Variants in PCDHA8 observed in about 807,000 individuals in gnomAD.
The protein encoded by PCDHA8 is protocadherin alpha-8.
PCDHA8 carries 53 observed loss-of-function variants against 61.8 expected under a neutral mutation model. The observed-to-expected ratio is 0.86, with a 90% CI of 0.69 to 1.08. The LOEUF (loss-of-function observed/expected upper bound fraction) is 1.08, where lower values mean the gene tolerates loss of function less well. PCDHA8 is among the 50% of genes least tolerant of loss of function. The pLI, the probability that PCDHA8 is intolerant of heterozygous loss-of-function variation, is 0.00. For missense variants in PCDHA8, 1,293 were observed against 1,245.0 expected, an observed-to-expected ratio of 1.04 and a Z score of -0.58; for synonymous variants, 618 against 556.6, an observed-to-expected ratio of 1.11 and a Z score of -1.55.
Position 140,974,355 on chromosome 5 carries a change from C to T in PCDHA8, c.2395-4594C>T, listed in dbSNP as rs113314336. Among the ~76,000 whole-genome samples the T allele has an allele frequency of 6.8e-3, 1,038 of 152,272 alleles. 15 individuals are homozygous for T. The highest frequency in any genetic ancestry group is 0.024 in the African/African-American group (1,003 of 41,550). ...AGCAGGCTATGCATCCAGAACTAAA[C>T]AGACCTAGCACTTTCTGTTGTACTG... is the stretch of plus-strand genomic sequence containing the variant. On this transcript the variant is annotated intron_variant, in intron 1 of 3. Transcript: ENST00000531613.
chr5:140,902,203 CTTT>C lies in PCDHA8; in HGVS notation c.2394+58504_2394+58506del, dbSNP rs148688132. ...TTATGTCTTCTCTCTCTCTCTCTTT[CTTT>C]TTTTTTTTTTTTTTTGAGATGAGGA... On this transcript the variant is annotated intron_variant, in intron 1 of 3. Coordinates refer to ENST00000531613, the MANE Select transcript of PCDHA8 (RefSeq NM_018911.3). Among the ~76,000 whole-genome samples, 328 of 124,424 alleles carry C rather than the reference CTTT, an allele frequency of 2.6e-3. 2 individuals are homozygous for C. Among genetic ancestry groups the C allele is most frequent in the Middle Eastern group, 0.017 (4 of 242 alleles). 81.6% of individuals were successfully genotyped at this position (124,424 alleles called of 152,430 possible).
intron 1 of PCDHA8, among the ~76,000 whole-genome samples, chr5:140,845,100 T>G (rs1393397461): frequency 1.3e-5 from 2 of 149,736 alleles, no homozygotes; most frequent in Non-Finnish European, 3.0e-5. Flanking sequence ...TACAGTTCTC[T>G]TAATGCCTGT....
At chr5:140,899,704 T>C (rs2067500536) in intron 1 of PCDHA8, among the ~76,000 whole-genome samples, 1 of 152,242 alleles carries the variant, frequency 6.6e-6, no homozygotes, top group Non-Finnish European at 1.5e-5. Context: ...TAAAATGAGT[T>C]AGGGAGGATT....
chr5:140,917,435 T>A (rs1179418321), intron 1 of PCDHA8, among the ~76,000 whole-genome samples: 2 of 152,200 alleles, frequency 1.3e-5, no homozygotes, highest in South Asian at 2.1e-4. Flanking sequence ...CAATTTTTGT[T>A]TTTGCTGCAA....
chr5:140,918,918 C>T (rs1338973615), intron 1 of PCDHA8, among the ~76,000 whole-genome samples: 1 of 152,224 alleles, frequency 6.6e-6, no homozygotes, highest in Non-Finnish European at 1.5e-5. Context: ...ATTAACTACA[C>T]AGCATATGGC....
intron 1 of PCDHA8, chr5:140,877,313 C>T (rs2057018817): frequency 6.2e-7 from 1 of 1,613,836 alleles, no homozygotes; most frequent in Non-Finnish European, 8.5e-7. Flanking sequence ...TTGCAACCGG[C>T]GGCGGTCGGC....
At chr5:140,871,310 C>A (rs2052956862) in intron 1 of PCDHA8, 1 of 1,613,930 alleles carries the variant, frequency 6.2e-7, no homozygotes, top group South Asian at 1.1e-5. Flanking sequence ...CCGGGGAAGC[C>A]CACGCTGGTG....
intron 1 of PCDHA8, chr5:140,926,974 G>T (rs145276602): frequency 2.2e-4 from 360 of 1,610,140 alleles, no homozygotes; most frequent in Middle Eastern, 1.2e-3. Context: ...CTCAGTGCCG[G>T]AGGAGACGGA....
intron 1 of PCDHA8, among the ~76,000 whole-genome samples, chr5:140,965,010 C>T (rs1160052537): frequency 5.9e-5 from 9 of 152,154 alleles, no homozygotes; most frequent in Admixed American, 3.9e-4. Flanking sequence ...GTGTCAGGAT[C>T]ACAACCTTGG....
At chr5:140,971,038 A>G (rs948457676) in intron 1 of PCDHA8, among the ~76,000 whole-genome samples, 4 of 152,216 alleles carry the variant, frequency 2.6e-5, no homozygotes, top group Non-Finnish European at 5.9e-5. Context: ...GAAAGCACGT[A>G]AAAGGGTTTA....
chr5:140,868,877 C>T (rs1554162279), intron 1 of PCDHA8: 4 of 684,224 alleles, frequency 5.8e-6, no homozygotes, highest in South Asian at 2.2e-5. Flanking sequence ...GCACAGTACT[C>T]ACAGTTTTAG....
chr5:140,855,571 T>G (rs2043521120), intron 1 of PCDHA8, among the ~76,000 whole-genome samples: 1 of 149,810 alleles, frequency 6.7e-6, no homozygotes, highest in Non-Finnish European at 1.5e-5. Context: ...AAAGTTGTCA[T>G]TTAATAAAAT....
rs548585515 is a variant in PCDHA8 at position 140,853,706 on chromosome 5, G to A, written c.2394+9991G>A. 358 of 988,170 alleles carry A rather than the reference G, an allele frequency of 3.6e-4. 28 individuals are homozygous for A. The South Asian group carries it at 0.015, about 41-fold the overall frequency. The allele number at this position is 988,170 out of a possible 1,614,324, so 61.2% of individuals were successfully genotyped here. A position where few individuals can be genotyped will look rare whatever the true frequency, so the allele number is the denominator to read the frequency against. ...TATCCTTAGACCTGCTAACGCATTA[G>A]CATTAGCAGCACCTAAGTCCTCATT... On this transcript the variant is annotated intron_variant, in intron 1 of 3. Coordinates refer to ENST00000531613, the MANE Select transcript of PCDHA8 (RefSeq NM_018911.3).
chr5:140,896,615 G>A (rs1293256212), intron 1 of PCDHA8, among the ~76,000 whole-genome samples: 4 of 151,782 alleles, frequency 2.6e-5, no homozygotes, highest in African/African-American at 9.7e-5. Context: ...GGTCTTAAGT[G>A]ATCCACCTGC....
rs2150359087 is a variant in PCDHA8, at chr5:140,843,393, C to A, written c.2072C>A (p.Ala691Glu). 46 of 1,596,052 alleles carry A rather than the reference C, an allele frequency of 2.9e-5. 2 individuals are homozygous for A. The highest frequency in any genetic ancestry group is 4.4e-5 in the South Asian group (4 of 90,510). Reference protein sequence around the residue: ...RQSAGVLGPEAALVDVNVYLI... With the variant: ...RQSAGVLGPEEALVDVNVYLI... ...TCGGCTGGCGTTTTGGGTCCGGAAG[C>A]GGCGCTGGTGGATGTCAACGTGTAC... Residue 691 changes from alanine (A) to glutamate (E), a missense_variant, in exon 1 of 4, where the codon GCG becomes GAG. Transcript: ENST00000531613.
chr5:140,943,632 G>A (rs1351799858), intron 1 of PCDHA8, among the ~76,000 whole-genome samples: 1 of 152,098 alleles, frequency 6.6e-6, no homozygotes, highest in Non-Finnish European at 1.5e-5. Flanking sequence ...AAGGAAGCTG[G>A]ATTATGGATA....
intron 1 of PCDHA8, chr5:140,866,107 G>T (rs2049153150): frequency 6.6e-6 from 1 of 152,146 alleles, no homozygotes; most frequent in African/African-American, 2.4e-5. Flanking sequence ...GTAATTAAGA[G>T]TTGCCTTATA....
chr5:140,863,054 C>G (rs782230068), intron 1 of PCDHA8: 4 of 563,138 alleles, frequency 7.1e-6, no homozygotes, highest in Non-Finnish European at 1.4e-5. Flanking sequence ...TGGCAGCACC[C>G]GTTCCACGTG....
chr5:140,843,813 T>A, intron 1 of PCDHA8, 98 bp downstream of exon 1: 3 of 1,270,692 alleles, frequency 2.4e-6, no homozygotes, highest in Non-Finnish European at 3.3e-6. Flanking sequence ...TATTTTATAG[T>A]GAAAATTTAA....
Sources: gnomAD v4.1 joint callset for allele counts (sites outside exome capture counted in the v4.1 genomes callset) on GRCh38, gnomAD v4.1.1 for gene constraint, MANE v1.5 for transcripts, NCBI Gene and HGNC (gene_info 2026-07-23, HGNC 2026-07-21) for gene names.